The following ATG9B variants were observed in gnomAD, a reference collection of about 807,000 sequenced individuals.
The protein encoded by ATG9B is autophagy related 9B, also known as autophagy-related protein 9B.
A neutral mutation model predicts 92.9 loss-of-function variants in ATG9B; 92 were observed. The observed-to-expected ratio is 0.99, with a 90% CI of 0.84 to 1.18. ATG9B has a LOEUF of 1.18. Ranked by LOEUF, ATG9B falls within the 50% of genes most tolerant of loss-of-function variation. The pLI, the probability that ATG9B is intolerant of heterozygous loss-of-function variation, is 0.00. For synonymous variants in ATG9B, 599 were observed against 551.4 expected (o/e 1.09, Z -1.21); for missense variants, 1,344 against 1,235.0 (o/e 1.09, Z -1.32).
chr7:151,014,234 G>A (rs1795389971), downstream of ATG9B: 2 of 1,483,932 alleles, frequency 1.3e-6, no homozygotes, highest in African/African-American at 2.8e-5. Context: ...CGCCCGACCA[G>A]GATCAGCCCC....
rs747837254 is a variant in ATG9B, at chr7:151,024,397, C to A, written c.27G>T (p.Gly9=). 3.7e-6 allele frequency: 5 copies of A among 1,354,452 alleles called. No individual in the cohort carries two copies. The highest frequency in any genetic ancestry group is 3.1e-5 in the Admixed American group (1 of 32,650). 83.9% of individuals were successfully genotyped at this position (1,354,452 alleles called of 1,614,324 possible). ...CCCACCGCCCCAGCCGCCTTCTTCTCCCCCCCCAGCCCATTCGGCTCACCA... is the reference window on the plus strand; with the variant it reads ...CCCACCGCCCCAGCCGCCTTCTTCTACCCCCCCAGCCCATTCGGCTCACCA... MVSRMGWG[G]RRRRLGRWGD... is the part of the protein sequence containing the mutation. The change falls in exon 1 of 14, where the codon GGG becomes GGT. Residue 9 remains glycine (G), a synonymous_variant. Transcript: ENST00000639579.
chr7:151,023,879 A>C lies in ATG9B; in HGVS notation c.545T>G (p.Leu182Arg). Residue 182 changes from leucine to arginine, a missense_variant, in exon 1 of 14, where the codon CTC becomes CGC. Physicochemically the swap from Leu to Arg is moderately radical, Grantham distance 102 (BLOSUM62 -2). Coordinates refer to ENST00000639579, the MANE Select transcript of ATG9B (RefSeq NM_001317056.2). ...QQPLLHVPEG[L>R]RGSWHHIQNL... Reference sequence around the variant, plus strand: ...ACCCACACCCACACACATACCTCGGAGCCCTTCAGGGACATGAAGCAGGGG... The same window carrying C: ...ACCCACACCCACACACATACCTCGGCGCCCTTCAGGGACATGAAGCAGGGG... 1 of 1,610,772 alleles carries C rather than the reference A, an allele frequency of 6.2e-7. No individual in the cohort carries two copies. Among genetic ancestry groups the C allele is most frequent in the Non-Finnish European group, 8.5e-7 (1 of 1,178,734 alleles).
At chr7:151,013,433 A>G, downstream of ATG9B, 3 of 1,561,728 alleles carry the variant, frequency 1.9e-6, no homozygotes, top group Non-Finnish European at 2.6e-6. Flanking sequence ...AGAGGGGAGG[A>G]CTCGCGCTCT....
chr7:151,017,149 T>C lies in ATG9B; in HGVS notation c.2176A>G (p.Lys726Glu), dbSNP rs1795532122. ...CGGCCCCAGAGGTGCCCAAGAAACTTAGAGCTGTGCCCTGGGGGGCGCCAG... is the reference window on the plus strand; with the variant it reads ...CGGCCCCAGAGGTGCCCAAGAAACTCAGAGCTGTGCCCTGGGGGGCGCCAG... ...PLWRPPGHSS[K>E]FLGHLWGRVQ... Residue 726 changes from lysine to glutamate, a missense_variant, in exon 9 of 14, where the codon AAG (lysine) becomes GAG (glutamate). Transcript: ENST00000639579. The C allele has an allele frequency of 2.5e-6, 4 of 1,612,872 alleles. No individual in the cohort carries two copies. The highest frequency in any genetic ancestry group is 3.4e-6 in the Non-Finnish European group (4 of 1,179,764).
Position 151,023,210 on chromosome 7 carries a change from C to A in ATG9B, c.660-4G>T, listed in dbSNP as rs760574558. 3.7e-6 allele frequency: 6 copies of A among 1,613,990 alleles called. No individual in the cohort carries two copies. In the Admixed American group the frequency reaches 1.0e-4, roughly 27 times the overall value. ...GGTGACAATGAAAATAAATTGTCTG[C>A]CGGGAGGAAGGGGGGGTGCCGGGAT... On this transcript the variant is annotated splice_polypyrimidine_tract_variant and splice_region_variant and intron_variant, in intron 3 of 13. Transcript: ENST00000639579.
chr7:151,016,324 C>T, intron 11 of ATG9B, 89 bp from the exon 12 acceptor site: 1 of 1,484,616 alleles, frequency 6.7e-7, no homozygotes, highest in Non-Finnish European at 9.0e-7. Context: ...TTTCAGCCTC[C>T]TCCTGCCACT....
downstream of ATG9B, chr7:151,012,979 G>A (rs1238945386): frequency 1.5e-5 from 8 of 520,682 alleles, no homozygotes; most frequent in East Asian, 3.3e-5. Flanking sequence ...TTCTGAGTCC[G>A]AAGCCGCGCA....
rs1033871110 is a variant in ATG9B at position 151,021,042 on chromosome 7, C to T, written c.963+146G>A. On this transcript the variant is annotated intron_variant, in intron 5 of 13. Coordinates refer to ENST00000639579, the MANE Select transcript of ATG9B (RefSeq NM_001317056.2). ...GTGGTAGCCCCCTCCTGACATTATT[C>T]TGGGCCTAGGGCAGGTGTCAATAAG... 3.8e-4 allele frequency: 351 copies of T among 933,740 alleles called. 6 individuals carry two copies. In the South Asian group the frequency reaches 4.4e-3, roughly 12 times the overall value. 57.8% of individuals were successfully genotyped at this position (933,740 alleles called of 1,614,324 possible). A position where few individuals can be genotyped will look rare whatever the true frequency, so the allele number is the denominator to read the frequency against.
chr7:151,022,916 A>AT (rs1795804012), intron 4 of ATG9B, 129 bp downstream of exon 4: 3 of 1,162,428 alleles, frequency 2.6e-6, no homozygotes, highest in Middle Eastern at 2.8e-4. Flanking sequence ...TATTAAGTGT[A>AT]TTTTTGGTCC....
rs1299031267 is a variant in ATG9B at position 151,018,335 on chromosome 7, G to A, written c.1831C>T (p.Arg611Cys). Residue 611 changes from arginine to cysteine, a missense_variant, in exon 7 of 14, where the codon CGC becomes TGC. Coordinates refer to ENST00000639579, the MANE Select transcript of ATG9B (RefSeq NM_001317056.2). This position sits in a 1 kb window ranked among gnomAD's most constrained non-coding sequence, Gnocchi z 4.7. ...AGCTGCGCCATCTGCCGGTAGGCGC[G>A]GTCCCTGCCGCCGGGGCCGGGCTCC... is the stretch of plus-strand genomic sequence containing the variant. The part of the protein sequence containing the change: ...PEEPGPGGRD[R>C]AYRQMAQLLQ... 1 of 1,593,034 alleles carries A rather than the reference G, an allele frequency of 6.3e-7. No individual in the cohort carries two copies. The highest frequency in any genetic ancestry group is 1.8e-5 in the Admixed American group (1 of 56,988).
chr7:151,013,894 C>T (rs777835797), downstream of ATG9B: 88 of 1,600,002 alleles, frequency 5.5e-5, no homozygotes, highest in Non-Finnish European at 6.5e-5. Context: ...TGGACGAGGC[C>T]GGCGACGTCA....
chr7:151,019,933 G>A (rs1235007220), intron 5 of ATG9B: 1 of 152,498 alleles, frequency 6.6e-6, no homozygotes, highest in African/African-American at 2.4e-5. Flanking sequence ...AGGCTGCAGT[G>A]AGCCAATATC....
rs959418858 is a variant in ATG9B at position 151,015,700 on chromosome 7, C to T, written c.*28G>A. ...CCACCCTCCAATCTCCTGTGGCTGC[C>T]GAAGCCAGGGTACCTGTGGGAGGAG... is the stretch of plus-strand genomic sequence containing the variant. On this transcript the variant is annotated 3_prime_UTR_variant, in exon 14 of 14. Coordinates refer to ENST00000639579, the MANE Select transcript of ATG9B (RefSeq NM_001317056.2). 28 of 802,268 alleles carry T rather than the reference C, an allele frequency of 3.5e-5. No individual in the cohort carries two copies. The highest frequency in any genetic ancestry group is 2.2e-4 in the South Asian group (8 of 35,880). The allele number at this position is 802,268 out of a possible 1,614,324, so 49.7% of individuals were successfully genotyped here.
Position 151,016,689 on chromosome 7 carries a change from TG to T in ATG9B, c.2421del (p.Ser808AlafsTer24). On this transcript the variant is annotated frameshift_variant and splice_region_variant, in exon 10 of 14. Transcript: ENST00000639579. LOFTEE classifies it high-confidence loss of function. ...LASISRIAQD[P>X]SSVSPGGTGG... ...TGCATCTCAGCCTCCACTCCTCACC[TG>T]GGGTCCTGGGCAATTCGGGAAATGG... 1 of 1,580,812 alleles carries T rather than the reference TG, an allele frequency of 6.3e-7. No homozygotes were observed. The highest frequency in any genetic ancestry group is 1.1e-5 in the South Asian group (1 of 87,866).
rs1227238977 is a variant in ATG9B at position 151,018,995 on chromosome 7, G to A, written c.1343C>T (p.Ala448Val). ...TVLLLAALNL[A>V]LSPLVLAWQV... is the part of the protein sequence containing the mutation. ...CCAGGCCAGCACCAGCGGGCTCAGC[G>A]CCAGGTTCAGGGCGGCCAGCAGCAG... Residue 448 changes from alanine to valine, a missense_variant, in exon 6 of 14, where the codon GCG becomes GTG. Physicochemically the swap from Ala to Val is moderately conservative, Grantham distance 64. Transcript: ENST00000639579. This position sits in a 1 kb window ranked among gnomAD's most constrained non-coding sequence, Gnocchi z 4.7. The A allele has an allele frequency of 1.9e-6, 3 of 1,572,790 alleles. No homozygotes were observed. Among genetic ancestry groups the A allele is most frequent in the East Asian group, 2.3e-5 (1 of 42,600 alleles).
At chr7:151,012,211 G>GTGTTTTTTTTT, downstream of ATG9B, 2 of 689,920 alleles carry the variant, frequency 2.9e-6, no homozygotes, top group Non-Finnish European at 2.3e-6. Flanking sequence ...AAGTAGAGTT[G>GTGTTTTTTTTT]TTTTTTGTTT....
rs183004946 is a variant in ATG9B at position 151,016,877 on chromosome 7, C to T, written c.2290-56G>A. 8,791 of 1,563,952 alleles carry T rather than the reference C, an allele frequency of 5.6e-3. 46 individuals are homozygous for T. The highest frequency in any genetic ancestry group is 5.8e-3 in the Non-Finnish European group (6,698 of 1,155,112). ...AGGGAGTCAGAAGAGAGGACAGAAA[C>T]GGAGTAGGGAGGAAGCAGAGGCCTA... On this transcript the variant is annotated intron_variant, in intron 9 of 13. Transcript: ENST00000639579.
rs1795732539 is a variant in ATG9B at position 151,021,198 on chromosome 7, T to C, written c.953A>G (p.His318Arg). The part of the protein sequence containing the change: ...DIQVFYREAL[H>R]IPPEELSSVP... ...AGCCACCCAGCTCACCGGGGGGATG[T>C]GCAGGGCCTCCCTGTAAAACACCTG... is the stretch of plus-strand genomic sequence containing the variant. Residue 318 changes from histidine (H) to arginine (R), a missense_variant, in exon 5 of 14, where the codon CAC (histidine) becomes CGC (arginine). Coordinates refer to ENST00000639579, the MANE Select transcript of ATG9B (RefSeq NM_001317056.2). 6.2e-7 allele frequency: 1 copy of C among 1,613,236 alleles called. No homozygotes were observed. The highest frequency in any genetic ancestry group is 1.1e-5 in the South Asian group (1 of 91,080).
Position 151,021,231 on chromosome 7 carries a change from C to T in ATG9B, c.920G>A (p.Trp307Ter). ...LRSVCNLFSY[W>*]DIQVFYREAL... ...CTCCCTGTAAAACACCTGGATGTCC[C>T]AGTAGCTGAAGAGGTTGCAGACTGA... The change falls in exon 5 of 14, where the codon TGG becomes TAG. Residue 307 changes from tryptophan to a stop codon, truncating the protein, a stop_gained. Coordinates refer to ENST00000639579, the MANE Select transcript of ATG9B (RefSeq NM_001317056.2). LOFTEE classifies it high-confidence loss of function. The T allele has an allele frequency of 6.2e-7, 1 of 1,613,574 alleles. No individual in the cohort carries two copies. The highest frequency in any genetic ancestry group is 1.3e-5 in the African/African-American group (1 of 75,024).
Sources: allele counts gnomAD v4.1 joint callset, GRCh38; gene constraint gnomAD v4.1.1; non-coding constraint Gnocchi (gnomAD v3.1); transcripts MANE v1.5; gene names NCBI Gene and HGNC (gene_info 2026-07-23, HGNC 2026-07-21).